The following GPC6 variants were observed in gnomAD, a reference collection of about 807,000 sequenced individuals.
The protein encoded by GPC6 is glypican-6.
Under a neutral mutation model 55.2 loss-of-function variants are expected in GPC6, and 14 were observed. That is an observed-to-expected ratio of 0.25 (90% confidence interval 0.17 to 0.40). The LOEUF is 0.40. GPC6 is among the 10% of genes least tolerant of loss of function. The pLI, the probability that GPC6 is intolerant of heterozygous loss-of-function variation, is 1.00. For synonymous variants in GPC6, 278 were observed against 259.6 expected (o/e 1.07, Z -0.68); for missense variants, 641 against 708.5 (o/e 0.90, Z 1.08).
At chr13:93,651,032 C>A (rs1880386795) in intron 2 of GPC6, among the ~76,000 whole-genome samples, 1 of 152,174 alleles carries the variant, frequency 6.6e-6, no homozygotes, top group Admixed American at 6.5e-5. Context: ...AGTATTAGAA[C>A]TTTCTTCAGT....
chr13:93,623,706 C>A (rs1163279875), intron 2 of GPC6, among the ~76,000 whole-genome samples: 1 of 152,144 alleles, frequency 6.6e-6, no homozygotes, highest in African/African-American at 2.4e-5. Flanking sequence ...GATCCACCAG[C>A]CTTGGCCTCT....
At chr13:93,537,777 AGTT>A (rs1233613355) in intron 1 of GPC6, among the ~76,000 whole-genome samples, 2 of 152,114 alleles carry the variant, frequency 1.3e-5, no homozygotes, top group African/African-American at 2.4e-5. Flanking sequence ...TGAGGAATTG[AGTT>A]GTTAAGCATT....
At chr13:94,175,438 C>T (rs188401844) in intron 4 of GPC6, among the ~76,000 whole-genome samples, 2 of 152,262 alleles carry the variant, frequency 1.3e-5, no homozygotes, top group African/African-American at 4.8e-5. Context: ...TGTAGGAATA[C>T]ATTACTATTT....
At chr13:94,294,095 G>A (rs1875180860) in intron 5 of GPC6, among the ~76,000 whole-genome samples, 1 of 152,124 alleles carries the variant, frequency 6.6e-6, no homozygotes, top group South Asian at 2.1e-4. Context: ...CAGATTTGTG[G>A]AAATTCCCCA....
chr13:94,325,934 C>A (rs115837381), intron 6 of GPC6, among the ~76,000 whole-genome samples: 1 of 152,150 alleles, frequency 6.6e-6, no homozygotes, highest in East Asian at 1.9e-4. Flanking sequence ...GACGCTCCTT[C>A]GTGGTGGTCA....
At chr13:93,307,796 T>C (rs1479819442) in intron 1 of GPC6, among the ~76,000 whole-genome samples, 1 of 152,178 alleles carries the variant, frequency 6.6e-6, no homozygotes, top group Non-Finnish European at 1.5e-5. Context: ...GTTAATAATA[T>C]ATTTATATTC....
chr13:93,291,118 T>C (rs1315292943), intron 1 of GPC6, among the ~76,000 whole-genome samples: 3 of 152,156 alleles, frequency 2.0e-5, no homozygotes, highest in East Asian at 1.9e-4. Context: ...TAGTATGGCA[T>C]TGATGTAGGT....
intron 2 of GPC6, among the ~76,000 whole-genome samples, chr13:93,566,574 T>C (rs1391883634): frequency 6.6e-6 from 1 of 151,862 alleles, no homozygotes; most frequent in Admixed American, 6.5e-5. Flanking sequence ...TTTTTTCTTT[T>C]TGTTATTATA....
intron 4 of GPC6, among the ~76,000 whole-genome samples, chr13:94,276,813 C>T (rs983611177): frequency 6.6e-6 from 1 of 152,112 alleles, no homozygotes. Flanking sequence ...TGTATATGTA[C>T]CACATTTTCT....
chr13:94,214,346 T>C (rs1321266177), intron 4 of GPC6, among the ~76,000 whole-genome samples: 1 of 152,240 alleles, frequency 6.6e-6, no homozygotes, highest in Non-Finnish European at 1.5e-5. Flanking sequence ...ATTAGCAAAT[T>C]CATCTTTCAA....
At chr13:93,432,373 A>G (rs1877394057) in intron 1 of GPC6, among the ~76,000 whole-genome samples, 1 of 152,148 alleles carries the variant, frequency 6.6e-6, no homozygotes, top group Admixed American at 6.6e-5. Flanking sequence ...CAAACCGAGC[A>G]TCAGCATCCC....
chr13:93,252,815 T>C (rs1008493467), intron 1 of GPC6, among the ~76,000 whole-genome samples: 11 of 152,224 alleles, frequency 7.2e-5, no homozygotes, highest in African/African-American at 2.7e-4. Context: ...TAAACTTTGC[T>C]TTTGTTTTGT....
intron 3 of GPC6, among the ~76,000 whole-genome samples, chr13:93,863,728 C>A (rs1888881447): frequency 6.6e-6 from 1 of 151,600 alleles, no homozygotes; most frequent in Non-Finnish European, 1.5e-5. Context: ...TATTTATGAC[C>A]TACAGTTTCC....
At position 93,250,547 on chromosome 13, in the gene GPC6, G is replaced by T. The variant is rs75565733; in HGVS notation, c.160+22931G>T. The stretch of plus-strand genomic sequence containing the variant: ...GCCCACCTCCAGCCTTGATCACTTG[G>T]CATGGGGGGACCATGACAAGCCTCT... On this transcript the variant is annotated intron_variant, in intron 1 of 8. Coordinates refer to ENST00000377047, the MANE Select transcript of GPC6 (RefSeq NM_005708.5). 1.1e-4 allele frequency among the ~76,000 whole-genome samples: 17 copies of T among 152,268 alleles called. No individual in the cohort carries two copies. The East Asian group carries it at 3.1e-3, about 28-fold the overall frequency.
At chr13:93,340,855 G>T (rs2139150260) in intron 1 of GPC6, among the ~76,000 whole-genome samples, 1 of 152,142 alleles carries the variant, frequency 6.6e-6, no homozygotes, top group Non-Finnish European at 1.5e-5. Flanking sequence ...GTTCTTTAGT[G>T]GTGATTTCTG....
At chr13:93,724,667 A>C (rs1883567273) in intron 2 of GPC6, among the ~76,000 whole-genome samples, 1 of 152,000 alleles carries the variant, frequency 6.6e-6, no homozygotes, top group African/African-American at 2.4e-5. Flanking sequence ...ATAAAGATTC[A>C]ACACACCTTT....
intron 2 of GPC6, among the ~76,000 whole-genome samples, chr13:93,671,306 G>C (rs969463352): frequency 2.6e-5 from 4 of 151,642 alleles, no homozygotes; most frequent in Non-Finnish European, 5.9e-5. Context: ...GATCTCCCGG[G>C]ACTGACTTGT....
At chr13:93,400,473 TG>T (rs61701359) in intron 1 of GPC6, among the ~76,000 whole-genome samples, 41,344 of 141,536 alleles carry the variant, frequency 0.29, 5,698 homozygotes, top group Middle Eastern at 0.3. Context: ...GGGGACAGGG[TG>T]GGGGGAGGTG....
chr13:93,420,179 A>C (rs1264609383), intron 1 of GPC6, among the ~76,000 whole-genome samples: 1 of 152,190 alleles, frequency 6.6e-6, no homozygotes, highest in Non-Finnish European at 1.5e-5. Flanking sequence ...CTGAGTTTTC[A>C]CCGTCCTGAT....
Sources: gnomAD v4.1 joint callset for allele counts (sites outside exome capture counted in the v4.1 genomes callset) on GRCh38, gnomAD v4.1.1 for gene constraint, MANE v1.5 for transcripts, NCBI Gene and HGNC (gene_info 2026-07-23, HGNC 2026-07-21) for gene names.